The following ETS1 variants were observed in gnomAD, a reference collection of about 807,000 sequenced individuals.
ETS1 encodes protein C-ets-1.
Under a neutral mutation model 58.6 loss-of-function variants are expected in ETS1, and 15 were observed. The observed-to-expected ratio is 0.26, with a 90% confidence interval of 0.17 to 0.39. ETS1 has a LOEUF of 0.39. ETS1 is among the 10% of genes least tolerant of loss of function. ETS1 has a pLI of 1.00. For synonymous variants in ETS1, 214 were observed against 218.2 expected (o/e 0.98, Z 0.17); for missense variants, 417 against 610.5 (o/e 0.68, Z 3.34).
At chr11:128,481,770 A>G (rs543935172) in intron 7 of ETS1, among the ~76,000 whole-genome samples, 1 of 152,352 alleles carries the variant, frequency 6.6e-6, no homozygotes, top group South Asian at 2.1e-4. Flanking sequence ...ATAAACATCA[A>G]ACATGAACAG....
At chr11:128,576,251 C>A (rs959330751) in intron 1 of ETS1, among the ~76,000 whole-genome samples, 3 of 152,180 alleles carry the variant, frequency 2.0e-5, no homozygotes, top group Non-Finnish European at 2.9e-5. Context: ...AAAGAACCCG[C>A]CCTTTTTCCA....
At chr11:128,534,678 T>C (rs2135535355) in intron 3 of ETS1, among the ~76,000 whole-genome samples, 1 of 152,322 alleles carries the variant, frequency 6.6e-6, no homozygotes. Flanking sequence ...CAGACAGTGT[T>C]TGGTTTTCTG....
rs537323799 is a variant in ETS1, at chr11:128,459,814, G to A, written c.*2547C>T. 1.3e-5 allele frequency: 2 copies of A among 152,768 alleles called. No homozygotes were observed. The highest frequency in any genetic ancestry group is 1.9e-4 in the East Asian group (1 of 5,324). 9.5% of individuals were successfully genotyped at this position (152,768 alleles called of 1,614,324 possible). On this transcript the variant is annotated 3_prime_UTR_variant, in exon 10 of 10. Coordinates refer to ENST00000392668, the MANE Select transcript of ETS1 (RefSeq NM_001143820.2). ...AGGGAATTTTAGCAAACAAGCGGGC[G>A]GAGGAGCACTAGGAGGCACTTTCTT...
rs1861930524 is a variant in ETS1 at position 128,462,542 on chromosome 11, G to A, written c.1277C>T (p.Pro426Leu). 1 of 1,613,870 alleles carries A rather than the reference G, an allele frequency of 6.2e-7. No individual in the cohort carries two copies. Among genetic ancestry groups the A allele is most frequent in the Non-Finnish European group, 8.5e-7 (1 of 1,179,962 alleles). Residue 426 changes from proline (P) to leucine (L), a missense_variant, in exon 10 of 10, where the codon CCT becomes CTT. Transcript: ENST00000392668. ...GCTCAGTTTCTCATAATTCATCTTAGGTTTGTTTTTCCTCTTTCCCCATCT... is the reference window on the plus strand; with the variant it reads ...GCTCAGTTTCTCATAATTCATCTTAAGTTTGTTTTTCCTCTTTCCCCATCT... ...ARRWGKRKNK[P>L]KMNYEKLSRG... is the part of the protein sequence containing the mutation.
chr11:128,539,090 A>T (rs1224196072), intron 3 of ETS1, among the ~76,000 whole-genome samples: 2 of 152,252 alleles, frequency 1.3e-5, no homozygotes, highest in Non-Finnish European at 2.9e-5. Context: ...TAAAGCTATA[A>T]AGCTCATATA....
At chr11:128,569,177 C>A (rs1864568730) in intron 2 of ETS1, among the ~76,000 whole-genome samples, 1 of 152,138 alleles carries the variant, frequency 6.6e-6, no homozygotes, top group African/African-American at 2.4e-5. Flanking sequence ...AGGAGCACCT[C>A]CTAAATTTTA....
At chr11:128,472,399 G>C (rs2135425203) in intron 8 of ETS1, among the ~76,000 whole-genome samples, 1 of 152,298 alleles carries the variant, frequency 6.6e-6, no homozygotes, top group African/African-American at 2.4e-5. Context: ...AGTTTGGGGA[G>C]TTACAGTCAA....
intron 3 of ETS1, among the ~76,000 whole-genome samples, chr11:128,523,307 A>G (rs1863737691): frequency 6.6e-6 from 1 of 152,180 alleles, no homozygotes; most frequent in African/African-American, 2.4e-5. Context: ...AACAAAATGA[A>G]CCCGAATAAT....
At chr11:128,560,696 TG>T (rs1336679667) in intron 2 of ETS1, among the ~76,000 whole-genome samples, 4 of 152,242 alleles carry the variant, frequency 2.6e-5, no homozygotes, top group Non-Finnish European at 5.9e-5. Flanking sequence ...TGTGCATTCA[TG>T]GACTAATATA....
intron 2 of ETS1, 119 bp from the exon 3 acceptor site, chr11:128,556,554 G>A (rs1326234837): frequency 3.2e-6 from 2 of 620,776 alleles, no homozygotes; most frequent in Non-Finnish European, 5.3e-6. Context: ...TATAGATGAT[G>A]ACAGAACAGA....
chr11:128,538,306 G>C (rs1864000341), intron 3 of ETS1, among the ~76,000 whole-genome samples: 2 of 152,156 alleles, frequency 1.3e-5, no homozygotes, highest in Admixed American at 1.3e-4. Flanking sequence ...TAATTCAGGA[G>C]GTAAGGGGGG....
At chr11:128,574,260 T>A (rs766595078) in intron 1 of ETS1, among the ~76,000 whole-genome samples, 7 of 152,184 alleles carry the variant, frequency 4.6e-5, no homozygotes, top group Non-Finnish European at 7.3e-5. Flanking sequence ...CCTCCTGAAG[T>A]CATAACTTAT....
At chr11:128,547,779 C>T (rs1171220921) in intron 3 of ETS1, among the ~76,000 whole-genome samples, 2 of 152,142 alleles carry the variant, frequency 1.3e-5, no homozygotes, top group East Asian at 1.9e-4. Flanking sequence ...GTGGGAGAAG[C>T]GTATCCCTAT....
intron 3 of ETS1, 106 bp downstream of exon 3, chr11:128,556,185 A>C (rs1864309386): frequency 1.0e-6 from 1 of 989,402 alleles, no homozygotes; most frequent in African/African-American, 1.6e-5. Flanking sequence ...TAGCATCTGT[A>C]CCCGCATAAG....
intron 7 of ETS1, among the ~76,000 whole-genome samples, chr11:128,481,983 CCATT>C (rs1763573566): frequency 6.6e-6 from 1 of 152,160 alleles, no homozygotes; most frequent in East Asian, 1.9e-4. Flanking sequence ...CTCCACTCAT[CCATT>C]CAGAGGAGGG....
intron 3 of ETS1, among the ~76,000 whole-genome samples, chr11:128,544,724 G>A (rs943654789): frequency 3.9e-5 from 6 of 151,992 alleles, no homozygotes; most frequent in South Asian, 2.1e-4. Flanking sequence ...TCACTCACAC[G>A]GAACAGCTGC....
At chr11:128,575,951 C>A (rs921507451) in intron 1 of ETS1, among the ~76,000 whole-genome samples, 13 of 152,258 alleles carry the variant, frequency 8.5e-5, no homozygotes, top group African/African-American at 2.9e-4. Context: ...CCAGACAACA[C>A]TCCCCCTCAT....
At chr11:128,544,762 G>T (rs906006998) in intron 3 of ETS1, among the ~76,000 whole-genome samples, 1 of 152,004 alleles carries the variant, frequency 6.6e-6, no homozygotes, top group Non-Finnish European at 1.5e-5. Flanking sequence ...TTAATTCATT[G>T]TGAAATATTC....
At chr11:128,475,567 T>TTTC (rs1423020591) in intron 8 of ETS1, among the ~76,000 whole-genome samples, 2 of 149,284 alleles carry the variant, frequency 1.3e-5, no homozygotes, top group African/African-American at 5.0e-5. Context: ...TTTTTTTTTT[T>TTTC]TTTTTTTTGA....
Sources: gnomAD v4.1 joint callset for allele counts (sites outside exome capture counted in the v4.1 genomes callset) on GRCh38, gnomAD v4.1.1 for gene constraint, MANE v1.5 for transcripts, NCBI Gene and HGNC (gene_info 2026-07-23, HGNC 2026-07-21) for gene names.